WWC2: variants seen among roughly 807,000 people sequenced by gnomAD.
WWC2 encodes the protein protein WWC2.
A neutral mutation model predicts 138.5 loss-of-function variants in WWC2; 101 were observed. The ratio of observed to expected loss-of-function variants is 0.73; its 90% CI spans 0.62 to 0.86. The LOEUF is 0.86. Among genes scored for constraint, WWC2 ranks in the 40% least tolerant of loss-of-function variants. The probability of loss-of-function intolerance (pLI) is 0.00; values close to 1 mark genes in which losing one functional copy is unlikely to be tolerated. For missense variants in WWC2, 1,420 were observed against 1,419.4 expected, an observed-to-expected ratio of 1.00 and a Z score of -0.01; for synonymous variants, 558 against 538.4, an observed-to-expected ratio of 1.04 and a Z score of -0.50.
chr4:183,175,258 ATTTT>A (rs1313822666), intron 1 of WWC2, among the ~76,000 whole-genome samples: 1 of 151,860 alleles, frequency 6.6e-6, no homozygotes, highest in Non-Finnish European at 1.5e-5. Flanking sequence ...TTATTTATTT[ATTTT>A]TTTGTTTTTG....
chr4:183,285,940 T>A, intron 19 of WWC2, 27 bp from the exon 20 acceptor site: 1 of 1,343,568 alleles, frequency 7.4e-7, no homozygotes, highest in East Asian at 2.8e-5. Flanking sequence ...TATGCAGTGA[T>A]TTTTTTTTTA....
chr4:183,132,579 G>A (rs1474230660), intron 1 of WWC2, among the ~76,000 whole-genome samples: 6 of 151,276 alleles, frequency 4.0e-5, no homozygotes, highest in East Asian at 2.0e-4. Flanking sequence ...TCAGCCTCCC[G>A]AGTAGCTGGG....
intron 1 of WWC2, 121 bp from the exon 2 acceptor site, chr4:183,193,478 G>C: frequency 3.7e-6 from 3 of 817,962 alleles, no homozygotes; most frequent in Non-Finnish European, 3.9e-6. Context: ...TTTTATCCTT[G>C]GTTTTTTTTT....
intron 1 of WWC2, among the ~76,000 whole-genome samples, chr4:183,102,375 T>C (rs928000733): frequency 4.6e-5 from 7 of 152,202 alleles, no homozygotes; most frequent in Non-Finnish European, 8.8e-5. Flanking sequence ...TTACTCAGTG[T>C]GTATTGTGTG....
intron 1 of WWC2, among the ~76,000 whole-genome samples, chr4:183,137,121 C>T (rs1027023520): frequency 3.3e-5 from 5 of 152,130 alleles, no homozygotes; most frequent in African/African-American, 1.2e-4. Context: ...CTGTGGAGGC[C>T]TTCAACATTA....
chr4:183,194,622 TACTC>T (rs1171361424), intron 2 of WWC2, among the ~76,000 whole-genome samples: 1 of 152,236 alleles, frequency 6.6e-6, no homozygotes, highest in African/African-American at 2.4e-5. Flanking sequence ...TTTCATTTGA[TACTC>T]ACTCATTAGT....
At chr4:183,246,823 G>A (rs1161866686) in intron 6 of WWC2, among the ~76,000 whole-genome samples, 1 of 152,004 alleles carries the variant, frequency 6.6e-6, no homozygotes, top group Non-Finnish European at 1.5e-5. Flanking sequence ...TTCCACAATT[G>A]TCTTGCTGAT....
intron 1 of WWC2, among the ~76,000 whole-genome samples, chr4:183,192,832 A>G (rs1735026591): frequency 6.6e-6 from 1 of 152,206 alleles, no homozygotes; most frequent in African/African-American, 2.4e-5. Flanking sequence ...GAAAATCTCA[A>G]AAGCAAAATG....
rs1739612878 is a variant in WWC2, at chr4:183,320,615, C to T, written c.*4886C>T. 4.7e-6 allele frequency: 1 copy of T among 210,900 alleles called. No homozygotes were observed. The highest frequency in any genetic ancestry group is 1.1e-5 in the Non-Finnish European group (1 of 94,710). 13.1% of individuals were successfully genotyped at this position (210,900 alleles called of 1,614,324 possible). On this transcript the variant is annotated 3_prime_UTR_variant, in exon 23 of 23. Transcript: ENST00000403733. ...AAATGTTTAACTGATGGTTTTGGTT[C>T]AACTCCTCCTGCTTTGTGTTTCACT...
intron 1 of WWC2, among the ~76,000 whole-genome samples, chr4:183,123,393 C>T (rs1299614526): frequency 2.4e-5 from 3 of 124,362 alleles, no homozygotes; most frequent in Non-Finnish European, 5.0e-5. Context: ...AGAAACACAG[C>T]AAGTTTCAGG....
chr4:183,230,576 C>T (rs1468837725), intron 4 of WWC2, among the ~76,000 whole-genome samples: 1 of 152,094 alleles, frequency 6.6e-6, no homozygotes, highest in Admixed American at 6.5e-5. Context: ...ATTCGGGAGG[C>T]TGAGGCAGGA....
intron 20 of WWC2, among the ~76,000 whole-genome samples, chr4:183,286,939 T>C (rs1453186871): frequency 6.6e-6 from 1 of 152,082 alleles, no homozygotes; most frequent in Non-Finnish European, 1.5e-5. Context: ...AAATGGTAGC[T>C]TTGGGGCAGG....
At chr4:183,296,378 A>G (rs756413265) in intron 21 of WWC2, among the ~76,000 whole-genome samples, 2 of 152,214 alleles carry the variant, frequency 1.3e-5, no homozygotes, top group Admixed American at 6.5e-5. Context: ...GGACTGTTCA[A>G]TTTGGATCAA....
At position 183,320,194 on chromosome 4, in the gene WWC2, CT is replaced by C. The variant is rs781531370; in HGVS notation, c.*4466del. 2.5e-6 allele frequency: 4 copies of C among 1,613,874 alleles called. No homozygotes were observed. The African/African-American group carries it at 4.0e-5, about 16-fold the overall frequency. On this transcript the variant is annotated 3_prime_UTR_variant, in exon 23 of 23. Transcript: ENST00000403733. Reference sequence around the variant, plus strand: ...GATAATGAAACTCCAGCTAGTTGAGCTACAGTTCTAAATACTAAAGCCATTA... The same window carrying C: ...GATAATGAAACTCCAGCTAGTTGAGCACAGTTCTAAATACTAAAGCCATTA...
chr4:183,256,257 G>C lies in WWC2; in HGVS notation c.1196+2258G>C, dbSNP rs535457574. On this transcript the variant is annotated intron_variant, in intron 9 of 22. Transcript: ENST00000403733. ...TTGAAGGACTCAGACATTCTTGCTTGATCAGCTTAAAGCTTTCTAACTCCT... is the reference window on the plus strand; with the variant it reads ...TTGAAGGACTCAGACATTCTTGCTTCATCAGCTTAAAGCTTTCTAACTCCT... 8.5e-5 allele frequency among the ~76,000 whole-genome samples: 13 copies of C among 152,292 alleles called. No individual in the cohort carries two copies. The South Asian group carries it at 2.1e-3, about 24-fold the overall frequency.
intron 9 of WWC2, among the ~76,000 whole-genome samples, chr4:183,257,842 A>G (rs1737196426): frequency 1.3e-5 from 2 of 152,010 alleles, no homozygotes; most frequent in Admixed American, 6.5e-5. Flanking sequence ...TGGCCAGGGC[A>G]CCCTGTGCTG....
At chr4:183,196,020 C>T (rs116254059) in intron 2 of WWC2, among the ~76,000 whole-genome samples, 5 of 152,060 alleles carry the variant, frequency 3.3e-5, no homozygotes, top group African/African-American at 7.2e-5. Context: ...TGAGTTCTCA[C>T]GAGATCTGTC....
At chr4:183,244,248 G>A (rs1194751139) in intron 5 of WWC2, among the ~76,000 whole-genome samples, 1 of 152,110 alleles carries the variant, frequency 6.6e-6, no homozygotes, top group African/African-American at 2.4e-5. Context: ...GATAGCACAG[G>A]CAGCTGGGGA....
At chr4:183,282,066 C>T (rs547555611) in intron 17 of WWC2, among the ~76,000 whole-genome samples, 20 of 152,260 alleles carry the variant, frequency 1.3e-4, no homozygotes, top group Admixed American at 9.2e-4. Context: ...TGTCTGCATT[C>T]GGAGAACATG....
Sources: allele counts gnomAD v4.1 joint callset (sites outside exome capture counted in the v4.1 genomes callset), GRCh38; gene constraint gnomAD v4.1.1; transcripts MANE v1.5; gene names NCBI Gene and HGNC (gene_info 2026-07-23, HGNC 2026-07-21).